Variants in EPN2 observed in about 807,000 individuals in gnomAD.
EPN2 encodes the protein epsin 2.
Under a neutral mutation model 61.7 loss-of-function variants are expected in EPN2, and 34 were observed. That is an observed-to-expected ratio of 0.55 (90% CI 0.42 to 0.73). The LOEUF is 0.73. Ranked by LOEUF, EPN2 falls within the 30% of genes least tolerant of loss-of-function variation. The pLI, the probability that EPN2 is intolerant of heterozygous loss-of-function variation, is 0.00. For synonymous variants in EPN2, 349 were observed against 353.6 expected (o/e 0.99, Z 0.15); for missense variants, 714 against 839.2 (o/e 0.85, Z 1.84).
intron 4 of EPN2, chr17:19,308,500 CA>C: frequency 1.6e-5 from 16 of 985,400 alleles, no homozygotes; most frequent in Non-Finnish European, 1.9e-5. Flanking sequence ...GTTTGTCAGC[CA>C]GGGGTGAGTG....
At chr17:19,248,630 C>G (rs2044979108) in intron 1 of EPN2, among the ~76,000 whole-genome samples, 1 of 152,042 alleles carries the variant, frequency 6.6e-6, no homozygotes, top group Admixed American at 6.6e-5. Flanking sequence ...GTATTTCAGT[C>G]AAAAAATGAG....
At position 19,318,549 on chromosome 17, in the gene EPN2, C is replaced by CAAAAAAAAAAAAAAAAA. The variant is rs58660254; in HGVS notation, c.1147+5272_1147+5288dup. 1.4e-3 allele frequency among the ~76,000 whole-genome samples: 34 copies of CAAAAAAAAAAAAAAAAA among 24,756 alleles called. 5 individuals are homozygous for CAAAAAAAAAAAAAAAAA. Among genetic ancestry groups the CAAAAAAAAAAAAAAAAA allele is most frequent in the African/African-American group, 3.6e-3 (29 of 8,090 alleles). The allele number at this position is 24,756 out of a possible 152,430, so 16.2% of individuals were successfully genotyped here. ...TGGGCAACAGAGCGAGACTCCATCTCAAAAAAAAAAAAAAAAAAGAGTAGG... is the reference window on the plus strand; with the variant it reads ...TGGGCAACAGAGCGAGACTCCATCTCAAAAAAAAAAAAAAAAAAAAAAAAAAAAAAAAAAAGAGTAGG... On this transcript the variant is annotated intron_variant, in intron 7 of 10. Coordinates refer to ENST00000314728, the MANE Select transcript of EPN2 (RefSeq NM_014964.5).
At chr17:19,237,614 CCA>C (rs1301283965) in intron 1 of EPN2, 83 bp downstream of exon 1, 1 of 152,416 alleles carries the variant, frequency 6.6e-6, no homozygotes, top group East Asian at 1.9e-4. Flanking sequence ...GCGGACGCCC[CCA>C]GAGCACAGGC....
At chr17:19,255,426 T>C (rs2152204841) in intron 1 of EPN2, among the ~76,000 whole-genome samples, 1 of 147,994 alleles carries the variant, frequency 6.8e-6, no homozygotes, top group Non-Finnish European at 1.5e-5. Context: ...TGCTTGAGTT[T>C]CTTCATTTAC....
At chr17:19,275,212 A>T (rs997078697) in intron 1 of EPN2, among the ~76,000 whole-genome samples, 1 of 152,002 alleles carries the variant, frequency 6.6e-6, no homozygotes, top group South Asian at 2.1e-4. Flanking sequence ...GCCCTGTTGG[A>T]GGTTCAGGGG....
At chr17:19,325,054 A>T (rs766837993) in intron 7 of EPN2, among the ~76,000 whole-genome samples, 53 of 152,182 alleles carry the variant, frequency 3.5e-4, no homozygotes, top group Non-Finnish European at 7.2e-4. Context: ...CTAACTGAAG[A>T]ATAATAAAAA....
At chr17:19,298,469 T>C (rs1214469112) in intron 4 of EPN2, among the ~76,000 whole-genome samples, 3 of 152,170 alleles carry the variant, frequency 2.0e-5, no homozygotes, top group Non-Finnish European at 4.4e-5. Context: ...TCCCAAAGTG[T>C]TGGAATTATA....
intron 1 of EPN2, among the ~76,000 whole-genome samples, chr17:19,269,036 A>G (rs2045228800): frequency 6.6e-6 from 1 of 152,228 alleles, no homozygotes; most frequent in East Asian, 1.9e-4. Context: ...CATGGTGGTC[A>G]TGTTCCAGGC....
chr17:19,268,477 C>A (rs1222463411), intron 1 of EPN2, among the ~76,000 whole-genome samples: 1 of 152,186 alleles, frequency 6.6e-6, no homozygotes, highest in African/African-American at 2.4e-5. Context: ...CCATCTCAGT[C>A]TCGCACTCCC....
chr17:19,308,106 C>A, intron 4 of EPN2: 1 of 896,486 alleles, frequency 1.1e-6, no homozygotes, highest in Non-Finnish European at 1.3e-6. Flanking sequence ...TGCAGTCTTG[C>A]TCTTTTGCCC....
chr17:19,289,724 G>GTTTTGTTTTGTTTT (rs772230550), intron 4 of EPN2, among the ~76,000 whole-genome samples: 2 of 78,028 alleles, frequency 2.6e-5, no homozygotes, highest in Non-Finnish European at 4.6e-5. Context: ...GGCGCTCATG[G>GTTTTGTTTTGTTTT]TTTTTTTTTT....
At chr17:19,265,378 G>GGA (rs1555596848) in intron 1 of EPN2, among the ~76,000 whole-genome samples, 2 of 137,916 alleles carry the variant, frequency 1.5e-5, no homozygotes, top group African/African-American at 5.3e-5. Context: ...CCTTTCTCAG[G>GGA]AAAAAAAAAA....
At chr17:19,308,556 G>A (rs561114955) in intron 4 of EPN2, 1 of 985,388 alleles carries the variant, frequency 1.0e-6, no homozygotes, top group East Asian at 1.1e-4. Flanking sequence ...CACAGCATCA[G>A]GATGGAGGGG....
chr17:19,299,426 C>G (rs1309628786), intron 4 of EPN2, among the ~76,000 whole-genome samples: 2 of 152,246 alleles, frequency 1.3e-5, no homozygotes, highest in African/African-American at 4.8e-5. Flanking sequence ...TGCAGGTCCT[C>G]TTTTCCTTAC....
At chr17:19,256,201 T>G (rs2045076947) in intron 1 of EPN2, among the ~76,000 whole-genome samples, 2 of 151,928 alleles carry the variant, frequency 1.3e-5, no homozygotes, top group Admixed American at 1.3e-4. Context: ...CCTCCCAAAG[T>G]GCTGGGATTA....
intron 1 of EPN2, among the ~76,000 whole-genome samples, chr17:19,276,145 T>G (rs2045302855): frequency 6.6e-6 from 1 of 152,154 alleles, no homozygotes; most frequent in Admixed American, 6.5e-5. Flanking sequence ...CAGGAGCTTC[T>G]GCCTGGTCAT....
chr17:19,269,112 C>T (rs759396451), intron 1 of EPN2, among the ~76,000 whole-genome samples: 1 of 152,148 alleles, frequency 6.6e-6, no homozygotes, highest in Non-Finnish European at 1.5e-5. Flanking sequence ...TGCACATATT[C>T]TCTTATATGT....
At chr17:19,307,875 G>A (rs746792852) in intron 4 of EPN2, 107 of 983,612 alleles carry the variant, frequency 1.1e-4, no homozygotes, top group Non-Finnish European at 1.3e-4. Context: ...ATTCACCATA[G>A]CCATGGCCCA....
rs80078595 is a variant in EPN2, at chr17:19,276,773, G to GTTTTTTTTT, written c.-293-5172_-293-5164dup. On this transcript the variant is annotated intron_variant, in intron 1 of 10. Coordinates refer to ENST00000314728, the MANE Select transcript of EPN2 (RefSeq NM_014964.5). ...GTCAGTATGTAATTTATGAGAATAA[G>GTTTTTTTTT]TTTTTTTTTTTTTTTTTTGCTGTAT... Among the ~76,000 whole-genome samples the GTTTTTTTTT allele has an allele frequency of 5.3e-3, 632 of 119,250 alleles. 30 individuals are homozygous for GTTTTTTTTT. Among genetic ancestry groups the GTTTTTTTTT allele is most frequent in the African/African-American group, 0.025 (599 of 24,046 alleles). 78.2% of individuals were successfully genotyped at this position (119,250 alleles called of 152,430 possible).
Sources: allele counts gnomAD v4.1 joint callset (sites outside exome capture counted in the v4.1 genomes callset), GRCh38; gene constraint gnomAD v4.1.1; transcripts MANE v1.5; gene names NCBI Gene and HGNC (gene_info 2026-07-23, HGNC 2026-07-21).